Variants in KCND2 observed in about 807,000 individuals in gnomAD.
The protein encoded by KCND2 is potassium voltage-gated channel subfamily D member 2, also known as A-type voltage-gated potassium channel KCND2.
A neutral mutation model predicts 54.4 loss-of-function variants in KCND2; 16 were observed. That is an observed-to-expected ratio of 0.29 (90% CI 0.20 to 0.45). The LOEUF is 0.45. Ranked by LOEUF, KCND2 falls within the 20% of genes least tolerant of loss-of-function variation. The pLI is 1.00. For missense variants in KCND2, 486 were observed against 824.2 expected, an observed-to-expected ratio of 0.59 and a Z score of 5.02; for synonymous variants, 317 against 310.7, an observed-to-expected ratio of 1.02 and a Z score of -0.21.
chr7:120,558,458 G>A (rs1233095195), intron 1 of KCND2, among the ~76,000 whole-genome samples: 3 of 152,062 alleles, frequency 2.0e-5, no homozygotes, highest in Admixed American at 6.6e-5. Flanking sequence ...CTGTTCACCC[G>A]CAGTAATGGA....
intron 1 of KCND2, among the ~76,000 whole-genome samples, chr7:120,320,559 C>G (rs1383900962): frequency 6.6e-6 from 1 of 152,138 alleles, no homozygotes; most frequent in Non-Finnish European, 1.5e-5. Flanking sequence ...CAGGGGATCA[C>G]TAAGGAATTT....
At chr7:120,633,858 G>A (rs1475214843) in intron 1 of KCND2, among the ~76,000 whole-genome samples, 3 of 152,204 alleles carry the variant, frequency 2.0e-5, no homozygotes, top group Non-Finnish European at 4.4e-5. Flanking sequence ...AAGCCTGAAA[G>A]AGAGCCAGGA....
At chr7:120,352,195 C>T (rs1011930979) in intron 1 of KCND2, among the ~76,000 whole-genome samples, 3 of 151,944 alleles carry the variant, frequency 2.0e-5, no homozygotes, top group Non-Finnish European at 2.9e-5. Flanking sequence ...CTCAGCCTCC[C>T]AAAGTGCTGG....
intron 1 of KCND2, among the ~76,000 whole-genome samples, chr7:120,678,961 CTTAAACA>C (rs965480758): frequency 5.3e-5 from 8 of 151,368 alleles, no homozygotes; most frequent in African/African-American, 1.5e-4. Context: ...TGATATTGCT[CTTAAACA>C]TTAAACTCTT....
At chr7:120,363,202 A>G (rs538478206) in intron 1 of KCND2, among the ~76,000 whole-genome samples, 4 of 152,118 alleles carry the variant, frequency 2.6e-5, no homozygotes, top group Non-Finnish European at 5.9e-5. Context: ...TGGCTGAGGA[A>G]AGAGGGTGAC....
At chr7:120,639,116 G>A (rs895471424) in intron 1 of KCND2, among the ~76,000 whole-genome samples, 4 of 152,122 alleles carry the variant, frequency 2.6e-5, no homozygotes, top group Non-Finnish European at 5.9e-5. Context: ...TGGCATTACT[G>A]AATAAAGCCT....
intron 1 of KCND2, among the ~76,000 whole-genome samples, chr7:120,442,355 C>T (rs191129490): frequency 6.6e-5 from 10 of 152,116 alleles, no homozygotes; most frequent in East Asian, 1.9e-4. Context: ...CCTAGTTTTA[C>T]GGCAGTCTTC....
intron 1 of KCND2, among the ~76,000 whole-genome samples, chr7:120,553,009 A>G (rs993436141): frequency 6.6e-6 from 1 of 152,222 alleles, no homozygotes; most frequent in Non-Finnish European, 1.5e-5. Context: ...TAATTAACGT[A>G]TCCATCACCT....
chr7:120,478,998 A>G (rs1802566733), intron 1 of KCND2, among the ~76,000 whole-genome samples: 1 of 152,206 alleles, frequency 6.6e-6, no homozygotes, highest in African/African-American at 2.4e-5. Context: ...TGAATTTTAT[A>G]GGAACCAGGG....
At chr7:120,652,075 T>A (rs949467893) in intron 1 of KCND2, among the ~76,000 whole-genome samples, 1 of 145,240 alleles carries the variant, frequency 6.9e-6, no homozygotes, top group African/African-American at 2.7e-5. Context: ...TCTCTATCTT[T>A]TTTTTTCCTT....
intron 1 of KCND2, among the ~76,000 whole-genome samples, chr7:120,317,100 G>T (rs1487324069): frequency 6.6e-6 from 1 of 152,090 alleles, no homozygotes; most frequent in Non-Finnish European, 1.5e-5. Flanking sequence ...CTCCCAAAGT[G>T]CTGGGATTAC....
intron 1 of KCND2, among the ~76,000 whole-genome samples, chr7:120,648,154 T>A (rs117661415): frequency 0.011 from 1,653 of 152,172 alleles, 9 homozygotes; most frequent in Non-Finnish European, 0.015. Flanking sequence ...TAATATTTTG[T>A]CCCCACGGAG....
intron 1 of KCND2, among the ~76,000 whole-genome samples, chr7:120,546,279 G>C (rs1339412852): frequency 6.6e-6 from 1 of 151,866 alleles, no homozygotes; most frequent in African/African-American, 2.4e-5. Flanking sequence ...AGTGTATATG[G>C]AGTGGCAACG....
chr7:120,635,788 G>C (rs1024810594), intron 1 of KCND2, among the ~76,000 whole-genome samples: 14 of 152,106 alleles, frequency 9.2e-5, no homozygotes, highest in Admixed American at 1.3e-4. Context: ...ATAATTGCCA[G>C]GATAAAATGT....
intron 1 of KCND2, among the ~76,000 whole-genome samples, chr7:120,558,144 G>T (rs536656521): frequency 6.6e-6 from 1 of 152,116 alleles, no homozygotes; most frequent in East Asian, 1.9e-4. Flanking sequence ...TTTATGGCAT[G>T]TTTGGTTATG....
At chr7:120,719,302 A>C (rs1380780211) in intron 1 of KCND2, among the ~76,000 whole-genome samples, 1 of 152,166 alleles carries the variant, frequency 6.6e-6, no homozygotes, top group African/African-American at 2.4e-5. Context: ...GTTTTCTCAT[A>C]ATGAAATTCA....
At chr7:120,339,979 G>T (rs894739435) in intron 1 of KCND2, among the ~76,000 whole-genome samples, 1 of 152,158 alleles carries the variant, frequency 6.6e-6, no homozygotes, top group East Asian at 1.9e-4. Flanking sequence ...GGTGGCTAAA[G>T]GTAAGTGAAT....
At chr7:120,746,832 G>C (rs867273233) in intron 5 of KCND2, 1 of 152,140 alleles carries the variant, frequency 6.6e-6, no homozygotes, top group South Asian at 2.1e-4. Context: ...TTGGCATTCA[G>C]AAGTCTTTGT....
intron 1 of KCND2, among the ~76,000 whole-genome samples, chr7:120,390,279 A>G (rs1363072495): frequency 6.6e-6 from 1 of 151,964 alleles, no homozygotes; most frequent in Admixed American, 6.6e-5. Context: ...AAAAATAATT[A>G]AGACACAATC....
Sources: allele counts gnomAD v4.1 joint callset (sites outside exome capture counted in the v4.1 genomes callset), GRCh38; gene constraint gnomAD v4.1.1; transcripts MANE v1.5; gene names NCBI Gene and HGNC (gene_info 2026-07-23, HGNC 2026-07-21).